The following LRRC51 variants were observed in gnomAD, a reference collection of about 807,000 sequenced individuals.
The protein encoded by LRRC51 is leucine rich repeat containing 51, also known as leucine-rich repeat-containing protein 51.
In LRRC51, 8 loss-of-function variants were observed where a neutral mutation model predicts 17.8. The ratio of observed to expected loss-of-function variants is 0.45; its 90% CI spans 0.26 to 0.81. The LOEUF (loss-of-function observed/expected upper bound fraction) is 0.81, where lower values mean the gene tolerates loss of function less well. LRRC51 is among the 30% of genes least tolerant of loss of function. LRRC51 has a pLI of 0.17. For synonymous variants in LRRC51, 92 were observed against 96.0 expected, an observed-to-expected ratio of 0.96 and a Z score of 0.24; for missense variants, 233 against 239.3, an observed-to-expected ratio of 0.97 and a Z score of 0.17.
chr11:72,089,700 T>TA, intron 3 of LRRC51: 1 of 780,174 alleles, frequency 1.3e-6, no homozygotes. Context: ...TTTAAATACT[T>TA]ACTGACAAAT....
intron 1 of LRRC51, among the ~76,000 whole-genome samples, chr11:72,084,127 G>A (rs1260512669): frequency 6.6e-6 from 1 of 152,218 alleles, no homozygotes; most frequent in African/African-American, 2.4e-5. Context: ...TTCCCAAGTA[G>A]CTGGGACTAT....
intron 3 of LRRC51, among the ~76,000 whole-genome samples, chr11:72,090,162 A>G (rs531244283): frequency 6.6e-6 from 1 of 152,356 alleles, no homozygotes; most frequent in South Asian, 2.1e-4. Context: ...ACGAGCACAC[A>G]GCCACCTGCT....
At chr11:72,081,274 T>G (rs2136451742) in intron 1 of LRRC51, among the ~76,000 whole-genome samples, 1 of 152,110 alleles carries the variant, frequency 6.6e-6, no homozygotes. Flanking sequence ...ATAAAAAAAT[T>G]AGCCGGGCTT....
chr11:72,091,148 C>T (rs1944834881), intron 3 of LRRC51, among the ~76,000 whole-genome samples: 1 of 152,240 alleles, frequency 6.6e-6, no homozygotes, highest in Non-Finnish European at 1.5e-5. Context: ...AAGTTTTAGG[C>T]AACTCTGTCC....
At chr11:72,094,707 A>G (rs1168203867) in intron 4 of LRRC51, 1 of 767,630 alleles carries the variant, frequency 1.3e-6, no homozygotes, top group East Asian at 2.7e-5. Context: ...AGTCAGTGGC[A>G]GTGCTGGTAC....
chr11:72,087,284 ATTC>A, intron 1 of LRRC51, among the ~76,000 whole-genome samples: 1 of 113,338 alleles, frequency 8.8e-6, no homozygotes, highest in Non-Finnish European at 1.7e-5. Flanking sequence ...TTTAACAGAA[ATTC>A]TTTTTTTTTT....
chr11:72,088,991 G>A (rs563561054), intron 2 of LRRC51, 38 bp from the exon 3 acceptor site: 84 of 1,606,656 alleles, frequency 5.2e-5, no homozygotes, highest in Middle Eastern at 4.5e-4. Flanking sequence ...CCTGAAAGCC[G>A]GTGTACTTGA....
rs1306567843 is a variant in LRRC51, at chr11:72,095,904, G to C, written c.*384G>C. On this transcript the variant is annotated 3_prime_UTR_variant, in exon 6 of 6. Coordinates refer to ENST00000289488, the MANE Select transcript of LRRC51 (RefSeq NM_145309.6). ...GTCACCCCAGCTGGAGTGCAGTGGT[G>C]CGATCTCAGCTCACTGCAACCTCCG... is the stretch of plus-strand genomic sequence containing the variant. The C allele has an allele frequency of 3.1e-6, 1 of 323,232 alleles. No homozygotes were observed. The highest frequency in any genetic ancestry group is 6.1e-6 in the Non-Finnish European group (1 of 165,086). 20.0% of individuals were successfully genotyped at this position (323,232 alleles called of 1,614,324 possible). A position where few individuals can be genotyped will look rare whatever the true frequency, so the allele number is the denominator to read the frequency against.
At chr11:72,081,597 A>C (rs956649225) in intron 1 of LRRC51, among the ~76,000 whole-genome samples, 1 of 152,198 alleles carries the variant, frequency 6.6e-6, no homozygotes, top group Admixed American at 6.5e-5. Flanking sequence ...CCCTCTTCCA[A>C]GACATGCGGT....
chr11:72,087,663 C>A (rs888619782), intron 1 of LRRC51, among the ~76,000 whole-genome samples: 7 of 152,180 alleles, frequency 4.6e-5, no homozygotes. Flanking sequence ...ACTTTCTAAT[C>A]TGCACTGTCC....
chr11:72,088,032 G>A (rs1322402546), intron 1 of LRRC51, among the ~76,000 whole-genome samples: 1 of 152,220 alleles, frequency 6.6e-6, no homozygotes, highest in Non-Finnish European at 1.5e-5. Flanking sequence ...GCAGTGGATG[G>A]AATGAGAAAG....
chr11:72,093,746 A>C (rs749266215), intron 4 of LRRC51, 45 bp downstream of exon 4: 3 of 1,585,002 alleles, frequency 1.9e-6, no homozygotes, highest in Non-Finnish European at 8.7e-7. Flanking sequence ...GCCTGAAGCC[A>C]CTTTGTTCAG....
chr11:72,093,800 G>C (rs1945000049), intron 4 of LRRC51, 99 bp downstream of exon 4: 13 of 1,149,468 alleles, frequency 1.1e-5, no homozygotes, highest in Admixed American at 1.7e-5. Flanking sequence ...GAAGTAATGA[G>C]GCAGCATGGT....
intron 3 of LRRC51, chr11:72,089,659 G>T: frequency 1.9e-6 from 2 of 1,054,828 alleles, no homozygotes; most frequent in South Asian, 2.0e-5. Context: ...CAAACATGAG[G>T]GGTCTTATCT....
At chr11:72,090,464 A>G (rs1208680870) in intron 3 of LRRC51, among the ~76,000 whole-genome samples, 1 of 152,096 alleles carries the variant, frequency 6.6e-6, no homozygotes, top group Non-Finnish European at 1.5e-5. Context: ...TTTACTGAGC[A>G]CTTACTAAAA....
chr11:72,092,851 C>T (rs1019466843), intron 3 of LRRC51, among the ~76,000 whole-genome samples: 5 of 152,350 alleles, frequency 3.3e-5, no homozygotes, highest in Non-Finnish European at 7.3e-5. Flanking sequence ...CCCTGAGCTC[C>T]CATACTGGGT....
intron 1 of LRRC51, among the ~76,000 whole-genome samples, chr11:72,082,093 A>G (rs1428629951): frequency 6.6e-6 from 1 of 152,188 alleles, no homozygotes; most frequent in African/African-American, 2.4e-5. Context: ...TGCCCCAGGG[A>G]AAAGGAACCT....
chr11:72,092,516 G>A (rs1000634932), intron 3 of LRRC51, among the ~76,000 whole-genome samples: 4 of 152,210 alleles, frequency 2.6e-5, no homozygotes, highest in Middle Eastern at 3.2e-3. Context: ...TGACACTTAA[G>A]AGTGATCTTT....
intron 1 of LRRC51, among the ~76,000 whole-genome samples, chr11:72,083,309 T>C (rs968894689): frequency 3.9e-5 from 6 of 152,170 alleles, no homozygotes; most frequent in Admixed American, 3.9e-4. Context: ...CCTTCCACCA[T>C]AGAACCTTTG....
Sources: gnomAD v4.1 joint callset for allele counts (sites outside exome capture counted in the v4.1 genomes callset) on GRCh38, gnomAD v4.1.1 for gene constraint, MANE v1.5 for transcripts, NCBI Gene and HGNC (gene_info 2026-07-23, HGNC 2026-07-21) for gene names.